The following IRAK1BP1 variants were observed in gnomAD, a reference collection of about 807,000 sequenced individuals.
The protein encoded by IRAK1BP1 is interleukin-1 receptor-associated kinase 1-binding protein 1.
Under a neutral mutation model 28.0 loss-of-function variants are expected in IRAK1BP1, and 24 were observed. The ratio of observed to expected loss-of-function variants is 0.86; its 90% CI spans 0.62 to 1.20. The LOEUF is 1.20. IRAK1BP1 is among the 50% of genes most tolerant of loss of function. The probability of loss-of-function intolerance (pLI) is 0.00; values close to 1 mark genes in which losing one functional copy is unlikely to be tolerated. For synonymous variants in IRAK1BP1, 131 were observed against 116.3 expected (o/e 1.13, Z -0.81); for missense variants, 336 against 316.7 (o/e 1.06, Z -0.46).
downstream of IRAK1BP1, among the ~76,000 whole-genome samples, chr6:78,947,078 C>T (rs993952029): frequency 1.3e-5 from 2 of 152,064 alleles, no homozygotes; most frequent in African/African-American, 4.8e-5. Context: ...GAACAGAAAT[C>T]TTCCAAGTTT....
intron 1 of IRAK1BP1, among the ~76,000 whole-genome samples, chr6:78,870,335 C>T (rs756552513): frequency 7.2e-5 from 11 of 151,942 alleles, no homozygotes; most frequent in Non-Finnish European, 1.3e-4. Flanking sequence ...CCATGCAACA[C>T]TTCACTCCCT....
At chr6:78,911,102 C>A (rs1325179832) in intron 4 of IRAK1BP1, among the ~76,000 whole-genome samples, 1 of 152,140 alleles carries the variant, frequency 6.6e-6, no homozygotes, top group African/African-American at 2.4e-5. Context: ...CTGCTGCCAG[C>A]AGCTGTAGAT....
At chr6:78,958,558 A>C in the IRAK1BP1 span, 1 of 1,583,534 alleles carries the variant, frequency 6.3e-7, no homozygotes, top group Non-Finnish European at 8.7e-7. Flanking sequence ...TTCGTGTATT[A>C]TGCTCTATAT....
intron 4 of IRAK1BP1, among the ~76,000 whole-genome samples, chr6:78,942,586 A>T (rs1773562463): frequency 6.6e-6 from 1 of 152,204 alleles, no homozygotes; most frequent in South Asian, 2.1e-4. Context: ...CCTGACCCCC[A>T]TAGTGAAATG....
chr6:78,962,987 C>T, the IRAK1BP1 span: 7 of 835,622 alleles, frequency 8.4e-6, no homozygotes, highest in East Asian at 1.4e-4. Flanking sequence ...ATGTCTGAAA[C>T]CACTGACTTA....
chr6:78,893,304 GTGTGTGTGTGTA>G (rs1562085721), intron 2 of IRAK1BP1, among the ~76,000 whole-genome samples: 4 of 98,048 alleles, frequency 4.1e-5, no homozygotes, highest in African/African-American at 1.2e-4. Flanking sequence ...GTGTGTGTGT[GTGTGTGTGTGTA>G]TATATATATA....
chr6:78,911,347 C>G (rs971003263), intron 4 of IRAK1BP1, among the ~76,000 whole-genome samples: 1 of 152,142 alleles, frequency 6.6e-6, no homozygotes, highest in Non-Finnish European at 1.5e-5. Context: ...CTCCTCTGCC[C>G]CTTTCAAGGC....
intron 4 of IRAK1BP1, chr6:78,940,795 C>A: frequency 6.2e-7 from 1 of 1,613,870 alleles, no homozygotes; most frequent in Non-Finnish European, 8.5e-7. Context: ...ACAACAGCTG[C>A]CTTTGCTCCT....
chr6:78,972,762 G>A, the IRAK1BP1 span, among the ~76,000 whole-genome samples: 3 of 152,128 alleles, frequency 2.0e-5, no homozygotes, highest in Non-Finnish European at 4.4e-5. Flanking sequence ...GCGATGAACT[G>A]GAAGAAAGGG....
At chr6:78,891,851 T>C (rs1771675781) in intron 2 of IRAK1BP1, among the ~76,000 whole-genome samples, 1 of 152,162 alleles carries the variant, frequency 6.6e-6, no homozygotes, top group African/African-American at 2.4e-5. Context: ...CATATAGTTT[T>C]CTCCCCCTTC....
At chr6:78,959,713 T>C in the IRAK1BP1 span, among the ~76,000 whole-genome samples, 2 of 152,168 alleles carry the variant, frequency 1.3e-5, no homozygotes, top group Non-Finnish European at 1.5e-5. Flanking sequence ...AGTATTGTCT[T>C]TCAAATGTTT....
At chr6:78,976,024 C>T in the IRAK1BP1 span, among the ~76,000 whole-genome samples, 1 of 151,968 alleles carries the variant, frequency 6.6e-6, no homozygotes, top group Admixed American at 6.6e-5. Flanking sequence ...GAAAAAACTA[C>T]TTTAAAGTTC....
At chr6:78,972,782 T>C in the IRAK1BP1 span, among the ~76,000 whole-genome samples, 4 of 151,796 alleles carry the variant, frequency 2.6e-5, no homozygotes, top group South Asian at 4.2e-4. Context: ...GTATCAGCAA[T>C]GGAAGATGAA....
chr6:78,932,421 C>CTTTTTTTTT (rs386407659), intron 4 of IRAK1BP1, among the ~76,000 whole-genome samples: 17 of 123,694 alleles, frequency 1.4e-4, no homozygotes, highest in East Asian at 2.4e-4. Context: ...CTTTCTTTTT[C>CTTTTTTTTT]TTTTTTTTTT....
At chr6:78,894,873 C>T (rs1036682268) in intron 2 of IRAK1BP1, among the ~76,000 whole-genome samples, 1 of 152,124 alleles carries the variant, frequency 6.6e-6, no homozygotes, top group African/African-American at 2.4e-5. Flanking sequence ...CTTTAGGAAG[C>T]TGAGGCGGGC....
chr6:78,878,467 A>G (rs550633933), intron 1 of IRAK1BP1, among the ~76,000 whole-genome samples: 1 of 152,356 alleles, frequency 6.6e-6, no homozygotes, highest in Non-Finnish European at 1.5e-5. Flanking sequence ...AACAGAAAGG[A>G]CATCCACAAC....
At chr6:78,967,098 A>AT in the IRAK1BP1 span, among the ~76,000 whole-genome samples, 3 of 152,238 alleles carry the variant, frequency 2.0e-5, no homozygotes, top group African/African-American at 7.2e-5. Flanking sequence ...AAAAGTAGTT[A>AT]TGTTCTCATT....
intron 1 of IRAK1BP1, among the ~76,000 whole-genome samples, chr6:78,876,922 A>G (rs1290201070): frequency 6.6e-6 from 1 of 152,202 alleles, no homozygotes; most frequent in Non-Finnish European, 1.5e-5. Flanking sequence ...GTTGGAACCC[A>G]CCAGCCAGAC....
chr6:78,963,750 C>T, the IRAK1BP1 span, among the ~76,000 whole-genome samples: 1 of 152,170 alleles, frequency 6.6e-6, no homozygotes, highest in Admixed American at 6.5e-5. Context: ...TTTCTGCATG[C>T]TTGAATCTTT....
Sources: allele counts gnomAD v4.1 joint callset (sites outside exome capture counted in the v4.1 genomes callset), GRCh38; gene constraint gnomAD v4.1.1; transcripts MANE v1.5; gene names NCBI Gene and HGNC (gene_info 2026-07-23, HGNC 2026-07-21).